The following VSTM4 variants were observed in gnomAD, a reference collection of about 807,000 sequenced individuals.
VSTM4 encodes V-set and transmembrane domain-containing protein 4.
Under a neutral mutation model 36.4 loss-of-function variants are expected in VSTM4, and 20 were observed. The ratio of observed to expected loss-of-function variants is 0.55; its 90% confidence interval spans 0.39 to 0.80. The LOEUF is 0.80. Among genes scored for constraint, VSTM4 ranks in the 30% least tolerant of loss-of-function variants. The pLI is 0.00. For missense variants in VSTM4, 392 were observed against 404.5 expected, an observed-to-expected ratio of 0.97 and a Z score of 0.26; for synonymous variants, 182 against 173.9, an observed-to-expected ratio of 1.05 and a Z score of -0.37.
intron 4 of VSTM4, among the ~76,000 whole-genome samples, chr10:49,074,502 C>G (rs1490309051): frequency 6.6e-6 from 1 of 152,178 alleles, no homozygotes; most frequent in East Asian, 1.9e-4. Flanking sequence ...CCCACGTGAA[C>G]GGTCTGCTCC....
At chr10:49,038,587 T>C (rs546087468) in intron 7 of VSTM4, among the ~76,000 whole-genome samples, 1 of 152,244 alleles carries the variant, frequency 6.6e-6, no homozygotes, top group African/African-American at 2.4e-5. Context: ...ATGAAGATAG[T>C]ACGTTTGCTG....
At chr10:49,110,015 G>A (rs533922409) in intron 1 of VSTM4, among the ~76,000 whole-genome samples, 1 of 152,342 alleles carries the variant, frequency 6.6e-6, no homozygotes, top group African/African-American at 2.4e-5. Context: ...GCAGCAGCTG[G>A]GGGACACTGG....
chr10:49,083,945 T>C (rs1564587778), intron 3 of VSTM4, among the ~76,000 whole-genome samples: 1 of 152,188 alleles, frequency 6.6e-6, no homozygotes, highest in Non-Finnish European at 1.5e-5. Flanking sequence ...GAAGTCTCCC[T>C]GGAAGATTCT....
chr10:49,039,468 G>A (rs550614259), intron 7 of VSTM4, among the ~76,000 whole-genome samples: 1 of 152,150 alleles, frequency 6.6e-6, no homozygotes, highest in Non-Finnish European at 1.5e-5. Context: ...CAGGATGCAA[G>A]CGCTTCCCTG....
chr10:49,088,335 A>G (rs1313005490), intron 2 of VSTM4, among the ~76,000 whole-genome samples: 1 of 152,102 alleles, frequency 6.6e-6, no homozygotes, highest in Non-Finnish European at 1.5e-5. Flanking sequence ...AGCAACCTGG[A>G]CCTCCAGGAA....
intron 7 of VSTM4, among the ~76,000 whole-genome samples, chr10:49,027,093 G>C (rs925999042): frequency 6.6e-6 from 1 of 152,128 alleles, no homozygotes; most frequent in Non-Finnish European, 1.5e-5. Flanking sequence ...GCCATTGGCG[G>C]CCACACTCTC....
rs1843623691 is a variant in VSTM4 at position 49,047,064 on chromosome 10, G to A, written c.776-20C>T. 6.2e-7 allele frequency: 1 copy of A among 1,613,632 alleles called. No homozygotes were observed. Among genetic ancestry groups the A allele is most frequent in the Non-Finnish European group, 8.5e-7 (1 of 1,179,586 alleles). On this transcript the variant is annotated intron_variant, in intron 6 of 7. Coordinates refer to ENST00000332853, the MANE Select transcript of VSTM4 (RefSeq NM_001031746.5). ...TCGGAGCTGTGGAAGTAGGTCAAGG[G>A]TTTAGCTTGCAGTTCCTCCCAGAAC... is the stretch of plus-strand genomic sequence containing the variant.
intron 2 of VSTM4, among the ~76,000 whole-genome samples, chr10:49,105,382 CAGAA>C (rs1564597463): frequency 6.9e-6 from 1 of 144,056 alleles, no homozygotes; most frequent in African/African-American, 2.6e-5. Context: ...GAGAGAGAGA[CAGAA>C]AGAGAGAGAA....
chr10:49,069,099 A>G (rs1844026741), intron 4 of VSTM4, among the ~76,000 whole-genome samples: 1 of 151,490 alleles, frequency 6.6e-6, no homozygotes, highest in Non-Finnish European at 1.5e-5. Context: ...CCCAGATGGC[A>G]TGTCCAGCCT....
Position 49,096,455 on chromosome 10 carries a change from C to T in VSTM4, c.458-10432G>A, listed in dbSNP as rs959710919. Among the ~76,000 whole-genome samples, 10 of 152,084 alleles carry T rather than the reference C, an allele frequency of 6.6e-5. 1 individual carries two copies. Among genetic ancestry groups the T allele is most frequent in the Non-Finnish European group, 1.2e-4 (8 of 68,020 alleles). Reference sequence around the variant, plus strand: ...CACTATGTGGGTTTAGAGTGAATTACGATTAAACTGCAGGAGACATCCCTT... The same window carrying T: ...CACTATGTGGGTTTAGAGTGAATTATGATTAAACTGCAGGAGACATCCCTT... On this transcript the variant is annotated intron_variant, in intron 2 of 7. Transcript: ENST00000332853.
chr10:49,034,010 T>C (rs1462885350), intron 7 of VSTM4, among the ~76,000 whole-genome samples: 1 of 151,844 alleles, frequency 6.6e-6, no homozygotes, highest in Non-Finnish European at 1.5e-5. Flanking sequence ...ATTACCATCA[T>C]CATCACCATT....
At chr10:49,105,241 G>C (rs1844755610) in intron 2 of VSTM4, among the ~76,000 whole-genome samples, 1 of 146,040 alleles carries the variant, frequency 6.8e-6, no homozygotes, top group South Asian at 2.4e-4. Flanking sequence ...GAGAGACAGA[G>C]AGGGAAAGAG....
chr10:49,105,330 G>GAGA (rs61337231), intron 2 of VSTM4, among the ~76,000 whole-genome samples: 4,365 of 79,534 alleles, frequency 0.055, 246 homozygotes, highest in African/African-American at 0.27. Flanking sequence ...AGAGAGAGAC[G>GAGA]GGGGGGGGAG....
intron 2 of VSTM4, among the ~76,000 whole-genome samples, chr10:49,096,622 C>CGTGTGTGTGT (rs57143308): frequency 0.017 from 2,143 of 122,532 alleles, 52 homozygotes; most frequent in South Asian, 0.046. Flanking sequence ...CATTGAAGAC[C>CGTGTGTGTGT]GTGTGTGTGT....
chr10:49,036,341 A>G (rs1843431338), intron 7 of VSTM4, among the ~76,000 whole-genome samples: 1 of 152,230 alleles, frequency 6.6e-6, no homozygotes, highest in Non-Finnish European at 1.5e-5. Flanking sequence ...AGCGTGGTAC[A>G]AGCAAAGTTT....
intron 2 of VSTM4, among the ~76,000 whole-genome samples, chr10:49,099,187 A>T (rs1282010024): frequency 6.6e-6 from 1 of 152,204 alleles, no homozygotes; most frequent in Non-Finnish European, 1.5e-5. Context: ...GTCGATTTGT[A>T]TGTGGATGGA....
In VSTM4 at chr10:49,019,739, G is replaced by C; in HGVS notation, c.874C>G (p.Leu292Val). The change falls in exon 8 of 8, where the codon CTG becomes GTG. Residue 292 changes from leucine to valine, a missense_variant. Transcript: ENST00000332853. ...GCCCGGTGGGGTTTGATCAGCTCCAGTTCGGCATAGGTTAAGTTTTCCTCA... is the reference window on the plus strand; with the variant it reads ...GCCCGGTGGGGTTTGATCAGCTCCACTTCGGCATAGGTTAAGTTTTCCTCA... The part of the protein sequence containing the change: ...IAEENLTYAE[L>V]ELIKPHRAAK... 6.2e-7 allele frequency: 1 copy of C among 1,613,914 alleles called. No homozygotes were observed.
intron 2 of VSTM4, 85 bp downstream of exon 2, chr10:49,107,509 C>A: frequency 6.7e-7 from 1 of 1,503,198 alleles, no homozygotes; most frequent in Non-Finnish European, 8.9e-7. Flanking sequence ...ACAGCCAACC[C>A]GGGAGCCCCT....
intron 7 of VSTM4, among the ~76,000 whole-genome samples, chr10:49,027,338 C>T (rs185803164): frequency 2.0e-4 from 31 of 152,338 alleles, no homozygotes; most frequent in African/African-American, 7.0e-4. Context: ...AGGCCCCCCA[C>T]GCTGCAGGCA....
Sources: gnomAD v4.1 joint callset for allele counts (sites outside exome capture counted in the v4.1 genomes callset) on GRCh38, gnomAD v4.1.1 for gene constraint, MANE v1.5 for transcripts, NCBI Gene and HGNC (gene_info 2026-07-23, HGNC 2026-07-21) for gene names.